The following GAB2 variants were observed in gnomAD, a reference collection of about 807,000 sequenced individuals.
GAB2 encodes GRB2-associated-binding protein 2.
In GAB2, 26 loss-of-function variants were observed where a neutral mutation model predicts 65.5. The ratio of observed to expected loss-of-function variants is 0.40; its 90% CI spans 0.29 to 0.55. The LOEUF (loss-of-function observed/expected upper bound fraction) is 0.55, where lower values mean the gene tolerates loss of function less well. Among genes scored for constraint, GAB2 ranks in the 20% least tolerant of loss-of-function variants. The pLI, the probability that GAB2 is intolerant of heterozygous loss-of-function variation, is 0.53. For synonymous variants in GAB2, 321 were observed against 329.6 expected, an observed-to-expected ratio of 0.97 and a Z score of 0.28; for missense variants, 884 against 875.8, an observed-to-expected ratio of 1.01 and a Z score of -0.12.
intron 1 of GAB2, among the ~76,000 whole-genome samples, chr11:78,416,310 G>A (rs556439705): frequency 6.5e-4 from 99 of 152,170 alleles, no homozygotes; most frequent in Non-Finnish European, 1.2e-3. Context: ...ATCTACCTAA[G>A]AGCCTGATTT....
intron 1 of GAB2, among the ~76,000 whole-genome samples, chr11:78,383,041 G>A (rs540390656): frequency 6.6e-6 from 1 of 152,300 alleles, no homozygotes; most frequent in South Asian, 2.1e-4. Flanking sequence ...GGGAGGCCAA[G>A]GCAGGTGGAT....
chr11:78,294,080 C>T (rs1018705914), intron 1 of GAB2, among the ~76,000 whole-genome samples: 2 of 152,150 alleles, frequency 1.3e-5, no homozygotes, highest in Admixed American at 6.5e-5. Flanking sequence ...CCCTCCACCC[C>T]ACAACAGGCC....
intron 1 of GAB2, among the ~76,000 whole-genome samples, chr11:78,393,280 C>T (rs1033286614): frequency 8.3e-4 from 126 of 152,308 alleles, no homozygotes; most frequent in African/African-American, 2.8e-3. Flanking sequence ...TGGAGATTCC[C>T]CCGCTCTAGT....
chr11:78,335,443 T>G (rs1246435332), intron 1 of GAB2, among the ~76,000 whole-genome samples: 1 of 152,240 alleles, frequency 6.6e-6, no homozygotes, highest in Admixed American at 6.5e-5. Flanking sequence ...GGATCTAGTT[T>G]CATTCTTCTG....
intron 1 of GAB2, among the ~76,000 whole-genome samples, chr11:78,314,845 A>G (rs1365571958): frequency 6.6e-6 from 1 of 152,228 alleles, no homozygotes; most frequent in Non-Finnish European, 1.5e-5. Context: ...ACTGGGACGC[A>G]GAGGTGAAGA....
intron 1 of GAB2, among the ~76,000 whole-genome samples, chr11:78,331,595 A>G (rs1855915285): frequency 6.6e-6 from 1 of 152,176 alleles, no homozygotes; most frequent in Non-Finnish European, 1.5e-5. Flanking sequence ...CAGTTCTCCA[A>G]AAGATATAAT....
rs929171458 is a variant in GAB2, at chr11:78,216,507, A to C, written c.*2765T>G. On this transcript the variant is annotated 3_prime_UTR_variant, in exon 10 of 10. Transcript: ENST00000361507. ...CTGTGAGCCAGAGCTTTGCTTTCAA[A>C]AGGTCAATTTCACCTCTCATCCTTC... is the stretch of plus-strand genomic sequence containing the variant. 1 of 152,106 alleles carries C rather than the reference A, an allele frequency of 6.6e-6. No homozygotes were observed. Among genetic ancestry groups the C allele is most frequent in the African/African-American group, 2.4e-5 (1 of 41,404 alleles). The allele number at this position is 152,106 out of a possible 1,614,324, so 9.4% of individuals were successfully genotyped here. A position where few individuals can be genotyped will look rare whatever the true frequency, so the allele number is the denominator to read the frequency against.
chr11:78,223,901 C>A (rs114186845), intron 5 of GAB2, among the ~76,000 whole-genome samples: 1 of 151,900 alleles, frequency 6.6e-6, no homozygotes, highest in Non-Finnish European at 1.5e-5. Flanking sequence ...GCCAACATGG[C>A]AAAACCTCCT....
chr11:78,409,898 A>C (rs192320692), intron 1 of GAB2, among the ~76,000 whole-genome samples: 5 of 152,308 alleles, frequency 3.3e-5, no homozygotes, highest in Middle Eastern at 3.4e-3. Flanking sequence ...GACAAGTTAA[A>C]AATAATTGAA....
chr11:78,358,337 C>T (rs1856388221), intron 1 of GAB2, among the ~76,000 whole-genome samples: 1 of 150,772 alleles, frequency 6.6e-6, no homozygotes, highest in Non-Finnish European at 1.5e-5. Context: ...GGAGATATAC[C>T]TAATGTAAAC....
chr11:78,396,168 A>G (rs189440189), intron 1 of GAB2, among the ~76,000 whole-genome samples: 1 of 152,346 alleles, frequency 6.6e-6, no homozygotes, highest in East Asian at 1.9e-4. Context: ...TAATGTGGTC[A>G]TACCAATTAA....
rs182776240 is a variant in GAB2, at chr11:78,304,762, A to G, written c.76-23861T>C. ...TGTAATATGAAAAAGTTTGAAAAGC[A>G]CTGTCCTACAGTGCCAAGTCTAAAC... On this transcript the variant is annotated intron_variant, in intron 1 of 9. Coordinates refer to ENST00000361507, the MANE Select transcript of GAB2 (RefSeq NM_080491.3). Among the ~76,000 whole-genome samples the G allele has an allele frequency of 7.2e-5, 11 of 152,278 alleles. No homozygotes were observed. In the East Asian group the frequency reaches 1.9e-3, roughly 27 times the overall value.
chr11:78,282,689 A>AT (rs1866367990), intron 1 of GAB2, among the ~76,000 whole-genome samples: 1 of 151,508 alleles, frequency 6.6e-6, no homozygotes, highest in African/African-American at 2.4e-5. Context: ...CACCACCACC[A>AT]TTTTCCCTAC....
intron 2 of GAB2, among the ~76,000 whole-genome samples, chr11:78,252,542 G>A (rs1409908895): frequency 6.6e-6 from 1 of 152,086 alleles, no homozygotes; most frequent in Non-Finnish European, 1.5e-5. Context: ...CTGTTGTCTC[G>A]TTGGACTCCT....
chr11:78,278,490 C>T (rs191427868), intron 2 of GAB2, among the ~76,000 whole-genome samples: 3 of 151,916 alleles, frequency 2.0e-5, no homozygotes, highest in East Asian at 3.9e-4. Flanking sequence ...AAGCAATTCT[C>T]TCACTTCTGC....
intron 1 of GAB2, among the ~76,000 whole-genome samples, chr11:78,325,066 A>G (rs1428577312): frequency 2.6e-5 from 4 of 152,154 alleles, no homozygotes; most frequent in Non-Finnish European, 5.9e-5. Context: ...TTTTGCTGAG[A>G]ACTTGTCATT....
chr11:78,277,570 G>A (rs1319163975), intron 2 of GAB2, among the ~76,000 whole-genome samples: 1 of 152,234 alleles, frequency 6.6e-6, no homozygotes, highest in Non-Finnish European at 1.5e-5. Flanking sequence ...CAAAATGGTC[G>A]AGTTTAACTG....
In GAB2 at chr11:78,314,218, G is replaced by A. The variant is rs534485959; in HGVS notation, c.76-33317C>T. ...ATTTCCAAAAGTCCAGGGAGAAACC[G>A]TTGTGATGGTACTTGCAAGCCTCTT... On this transcript the variant is annotated intron_variant, in intron 1 of 9. Transcript: ENST00000361507. Among the ~76,000 whole-genome samples, 45 of 152,294 alleles carry A rather than the reference G, an allele frequency of 3.0e-4. No homozygotes were observed. In the South Asian group the frequency reaches 7.7e-3, roughly 26 times the overall value.
rs1260590542 is a variant in GAB2, at chr11:78,374,552, T to G, written c.75+43094A>C. On this transcript the variant is annotated intron_variant, in intron 1 of 9. Coordinates refer to ENST00000361507, the MANE Select transcript of GAB2 (RefSeq NM_080491.3). ...ACCTTACTCATCATCCATTTCTTAA[T>G]GTATAAAATAATGATTCAAATATTT... is the stretch of plus-strand genomic sequence containing the variant. Among the ~76,000 whole-genome samples the G allele has an allele frequency of 3.3e-5, 5 of 152,348 alleles. No individual in the cohort carries two copies. In the East Asian group the frequency reaches 9.6e-4, roughly 29 times the overall value.
Sources: allele counts gnomAD v4.1 joint callset (sites outside exome capture counted in the v4.1 genomes callset), GRCh38; gene constraint gnomAD v4.1.1; transcripts MANE v1.5; gene names NCBI Gene and HGNC (gene_info 2026-07-23, HGNC 2026-07-21).